The following KIF13A variants were observed in gnomAD, a reference collection of about 807,000 sequenced individuals.
The protein encoded by KIF13A is kinesin-like protein KIF13A.
A neutral mutation model predicts 212.2 loss-of-function variants in KIF13A; 79 were observed. The observed-to-expected ratio is 0.37, with a 90% CI of 0.31 to 0.45. KIF13A has a LOEUF of 0.45. Ranked by LOEUF, KIF13A falls within the 20% of genes least tolerant of loss-of-function variation. The probability of loss-of-function intolerance (pLI) is 1.00; values close to 1 mark genes in which losing one functional copy is unlikely to be tolerated. For synonymous variants in KIF13A, 789 were observed against 808.6 expected (o/e 0.98, Z 0.41); for missense variants, 1,901 against 2,209.0 (o/e 0.86, Z 2.79).
chr6:17,960,521 T>C (rs1778720046), intron 2 of KIF13A, among the ~76,000 whole-genome samples: 1 of 152,312 alleles, frequency 6.6e-6, no homozygotes, highest in Admixed American at 6.5e-5. Flanking sequence ...TCAGTGACCA[T>C]TTTGGGGTAA....
At chr6:17,881,945 G>C in intron 3 of KIF13A, 1 of 450,564 alleles carries the variant, frequency 2.2e-6, no homozygotes, top group South Asian at 1.6e-5. Flanking sequence ...GCAGTGAGCT[G>C]AGATTGTGCC....
In KIF13A at chr6:17,771,752, C is replaced by G. The variant is rs879924489; in HGVS notation, c.4476+156G>C. 3.4e-5 allele frequency: 22 copies of G among 652,036 alleles called. No individual in the cohort carries two copies. Among genetic ancestry groups the G allele is most frequent in the African/African-American group, 2.7e-4 (15 of 55,994 alleles). 40.4% of individuals were successfully genotyped at this position (652,036 alleles called of 1,614,324 possible). On this transcript the variant is annotated intron_variant, in intron 37 of 38. Coordinates refer to ENST00000259711, the MANE Select transcript of KIF13A (RefSeq NM_022113.6). This position sits in a 1 kb window ranked among gnomAD's most constrained non-coding sequence, Gnocchi z 5.4. ...ACAAACAAGAGATTCTACCATGACT[C>G]TGCATGCTTGAGAAAGAGGAATTCG...
At chr6:17,911,812 T>A (rs1308089473) in intron 2 of KIF13A, among the ~76,000 whole-genome samples, 3 of 151,096 alleles carry the variant, frequency 2.0e-5, no homozygotes, top group African/African-American at 7.3e-5. Flanking sequence ...TAGCCCAAGC[T>A]GGAGTACAGT....
Position 17,888,456 on chromosome 6 carries a change from C to G in KIF13A, c.159+9712G>C, listed in dbSNP as rs1771744930. Among the ~76,000 whole-genome samples the G allele has an allele frequency of 6.6e-6, 1 of 152,126 alleles. No individual in the cohort carries two copies. ...TTCAGTACTAAGCCATGGGTTTGATCTGAAACAGAGCTGTCCCATAGAAAT... is the reference window on the plus strand; with the variant it reads ...TTCAGTACTAAGCCATGGGTTTGATGTGAAACAGAGCTGTCCCATAGAAAT... On this transcript the variant is annotated intron_variant, in intron 3 of 38. Coordinates refer to ENST00000259711, the MANE Select transcript of KIF13A (RefSeq NM_022113.6). The surrounding 1 kb of genome is among the most constrained non-coding windows in gnomAD (Gnocchi z 4.8).
At position 17,764,946 on chromosome 6, in the gene KIF13A, C is replaced by A. The variant is rs1296997380; in HGVS notation, c.4582G>T (p.Asp1528Tyr). Residue 1528 changes from aspartate to tyrosine, a missense_variant and splice_region_variant, in exon 39 of 39, where the codon GAC (aspartate) becomes TAC (tyrosine). Asp to Tyr is a radical substitution (Grantham distance 160, BLOSUM62 -3). Transcript: ENST00000259711. This position sits in a 1 kb window ranked among gnomAD's most constrained non-coding sequence, Gnocchi z 5.1. ...AGCTCATTTTCTTCCTCCTCAGAGTCCTATAGAAGTGAAGCAAAAGTCAGT... is the reference window on the plus strand; with the variant it reads ...AGCTCATTTTCTTCCTCCTCAGAGTACTATAGAAGTGAAGCAAAAGTCAGT... Reference protein sequence around the residue: ...EHNSKREKKIDSEEEENELEA... With the variant: ...EHNSKREKKIYSEEEENELEA... 1 of 1,593,142 alleles carries A rather than the reference C, an allele frequency of 6.3e-7. No homozygotes were observed. The highest frequency in any genetic ancestry group is 8.5e-7 in the Non-Finnish European group (1 of 1,169,792).
At chr6:17,862,903 G>A (rs1387309318) in intron 4 of KIF13A, among the ~76,000 whole-genome samples, 5 of 152,156 alleles carry the variant, frequency 3.3e-5, no homozygotes, top group Non-Finnish European at 1.5e-5. Context: ...AGCCGAAATC[G>A]CGCCACTGCA....
At chr6:17,798,134 A>T (rs1173083758) in intron 22 of KIF13A, among the ~76,000 whole-genome samples, 2 of 152,170 alleles carry the variant, frequency 1.3e-5, no homozygotes, top group Non-Finnish European at 2.9e-5. Flanking sequence ...ATTTTATTTG[A>T]AGATAGACCC....
chr6:17,800,922 C>T (rs1391071182), intron 20 of KIF13A, among the ~76,000 whole-genome samples: 2 of 151,506 alleles, frequency 1.3e-5, no homozygotes, highest in African/African-American at 2.4e-5. Flanking sequence ...TTAGTAAAGA[C>T]GGGCTTTCAC....
At chr6:17,940,524 C>T (rs1339200016) in intron 2 of KIF13A, among the ~76,000 whole-genome samples, 1 of 152,160 alleles carries the variant, frequency 6.6e-6, no homozygotes, top group Non-Finnish European at 1.5e-5. Flanking sequence ...CATATTTTAT[C>T]TTTCCAGTCA....
At chr6:17,780,596 G>T in intron 31 of KIF13A, 134 bp downstream of exon 31, 1 of 777,708 alleles carries the variant, frequency 1.3e-6, no homozygotes, top group Non-Finnish European at 2.1e-6. Flanking sequence ...GGATAAATGA[G>T]AATCAGACTA....
At chr6:17,812,148 CCTT>C (rs1167003613) in intron 17 of KIF13A, 1 of 152,156 alleles carries the variant, frequency 6.6e-6, no homozygotes, top group Non-Finnish European at 1.5e-5. Context: ...AAGCAAACCA[CCTT>C]CTTTATCAGA....
chr6:17,938,821 T>A (rs1223646480), intron 2 of KIF13A, among the ~76,000 whole-genome samples: 1 of 12,544 alleles, frequency 8.0e-5, no homozygotes, highest in Non-Finnish European at 3.1e-4. Context: ...TAGAGTGAAT[T>A]TTTTTTTTTT....
rs1763238073 is a variant in KIF13A, at chr6:17,809,352, G to A, written c.2001-422C>T. ...ATTATTTTTCATGACTTCTGCAGTT[G>A]GCAAAAGGCATGCAATGGTAAGGTA... On this transcript the variant is annotated intron_variant, in intron 17 of 38. Transcript: ENST00000259711. The surrounding 1 kb of genome is among the most constrained non-coding windows in gnomAD (Gnocchi z 4.7). 6.6e-6 allele frequency among the ~76,000 whole-genome samples: 1 copy of A among 152,062 alleles called. No homozygotes were observed. Among genetic ancestry groups the A allele is most frequent in the African/African-American group, 2.4e-5 (1 of 41,388 alleles).
At chr6:17,814,578 T>TATC (rs76817185) in intron 17 of KIF13A, among the ~76,000 whole-genome samples, 138,785 of 152,040 alleles carry the variant, frequency 0.91, 63,449 homozygotes, top group East Asian at 0.99. Flanking sequence ...TATTAATTAT[T>TATC]ATAACACAGG....
chr6:17,901,611 C>T (rs1773065412), intron 2 of KIF13A, among the ~76,000 whole-genome samples: 1 of 152,106 alleles, frequency 6.6e-6, no homozygotes, highest in African/African-American at 2.4e-5. Context: ...ATTTGCTTGC[C>T]TTCTGAGTTC....
rs6459577 is a variant in KIF13A, at chr6:17,819,753, T to C, written c.1787-2520A>G. Among the ~76,000 whole-genome samples, 895 of 151,812 alleles carry C rather than the reference T, an allele frequency of 5.9e-3. 5 individuals carry two copies. Among genetic ancestry groups the C allele is most frequent in the Non-Finnish European group, 9.3e-3 (634 of 67,892 alleles). Reference sequence around the variant, plus strand: ...AAAAAATATGAGAAATATGGTAAAATTTTTTTGAGGGCATCTGAAGACATT... The same window carrying C: ...AAAAAATATGAGAAATATGGTAAAACTTTTTTGAGGGCATCTGAAGACATT... On this transcript the variant is annotated intron_variant, in intron 16 of 38. Transcript: ENST00000259711.
intron 2 of KIF13A, among the ~76,000 whole-genome samples, chr6:17,983,171 T>G (rs1175630009): frequency 2.4e-5 from 2 of 83,184 alleles, no homozygotes; most frequent in African/African-American, 1.2e-4. Flanking sequence ...AGACTCCATC[T>G]CAAAAAAAAA....
chr6:17,903,361 A>G (rs949838384), intron 2 of KIF13A, among the ~76,000 whole-genome samples: 2 of 152,240 alleles, frequency 1.3e-5, no homozygotes, highest in Non-Finnish European at 2.9e-5. Context: ...AAATGTATCA[A>G]TGATTTTGAT....
rs77471834 is a variant in KIF13A at position 17,785,320 on chromosome 6, T to C, written c.3488+195A>G. On this transcript the variant is annotated intron_variant, in intron 28 of 38. Transcript: ENST00000259711. This position sits in a 1 kb window ranked among gnomAD's most constrained non-coding sequence, Gnocchi z 5.8. ...GGCCAGGTAATCAATGCTCTCTCGC[T>C]TCCTGTGGGAGAAAGTTGGCTTCGG... Among the ~76,000 whole-genome samples, 3,868 of 152,302 alleles carry C rather than the reference T, an allele frequency of 0.025. 74 individuals are homozygous for C. The highest frequency in any genetic ancestry group is 0.04 in the Non-Finnish European group (2,730 of 68,012).
Sources: allele counts gnomAD v4.1 joint callset (sites outside exome capture counted in the v4.1 genomes callset), GRCh38; gene constraint gnomAD v4.1.1; non-coding constraint Gnocchi (gnomAD v3.1); transcripts MANE v1.5; gene names NCBI Gene and HGNC (gene_info 2026-07-23, HGNC 2026-07-21).